RPS6KA2: variants seen among roughly 807,000 people sequenced by gnomAD.
RPS6KA2 encodes the protein ribosomal protein S6 kinase alpha-2.
RPS6KA2 carries 42 observed loss-of-function variants against 91.8 expected under a neutral mutation model. The ratio of observed to expected loss-of-function variants is 0.46; its 90% CI spans 0.36 to 0.59. RPS6KA2 has a LOEUF of 0.59. Ranked by LOEUF, RPS6KA2 falls within the 20% of genes least tolerant of loss-of-function variation. The pLI is 0.00. For synonymous variants in RPS6KA2, 414 were observed against 393.6 expected, an observed-to-expected ratio of 1.05 and a Z score of -0.61; for missense variants, 798 against 978.5, an observed-to-expected ratio of 0.82 and a Z score of 2.46.
rs60613942 is a variant in RPS6KA2, at chr6:166,568,621, G to GAAAAA, written c.100-29842_100-29838dup. On this transcript the variant is annotated intron_variant, in intron 1 of 20. Coordinates refer to ENST00000265678, the MANE Select transcript of RPS6KA2 (RefSeq NM_021135.6). ...ACAACAAGAGCAAAACTCCATCTCA[G>GAAAAA]AAAAAAAAAAAAAAAAAAAAAAAAA... 1.9e-3 allele frequency among the ~76,000 whole-genome samples: 85 copies of GAAAAA among 45,548 alleles called. 6 individuals are homozygous for GAAAAA. Among genetic ancestry groups the GAAAAA allele is most frequent in the East Asian group, 2.4e-3 (3 of 1,266 alleles). The allele number at this position is 45,548 out of a possible 152,430, so 29.9% of individuals were successfully genotyped here. A position where few individuals can be genotyped will look rare whatever the true frequency, so the allele number is the denominator to read the frequency against.
chr6:166,558,602 G>A (rs556627003), intron 1 of RPS6KA2, among the ~76,000 whole-genome samples: 21 of 152,302 alleles, frequency 1.4e-4, no homozygotes, highest in South Asian at 2.1e-4. Context: ...AGAGGCAAGC[G>A]GTGTCTCAGC....
At chr6:166,536,085 C>T (rs1783468534) in intron 2 of RPS6KA2, among the ~76,000 whole-genome samples, 1 of 152,248 alleles carries the variant, frequency 6.6e-6, no homozygotes, top group Admixed American at 6.5e-5. Flanking sequence ...AGGGAAGAAA[C>T]TGCATGTCAT....
intron 2 of RPS6KA2, among the ~76,000 whole-genome samples, chr6:166,851,578 C>A (rs1780744584): frequency 6.6e-6 from 1 of 152,224 alleles, no homozygotes; most frequent in Non-Finnish European, 1.5e-5. Context: ...GCGTGAGGAG[C>A]CAGCGGTGAG....
intron 10 of RPS6KA2, among the ~76,000 whole-genome samples, chr6:166,478,636 G>A (rs183589784): frequency 2.0e-5 from 3 of 152,266 alleles, no homozygotes; most frequent in Non-Finnish European, 2.9e-5. Flanking sequence ...GTGGCTCCTC[G>A]GCTATTGTGC....
At chr6:166,439,773 G>C (rs933571520) in intron 14 of RPS6KA2, 12 of 152,296 alleles carry the variant, frequency 7.9e-5, no homozygotes, top group African/African-American at 2.7e-4. Context: ...AGCAGGGACA[G>C]AACTTAGGAA....
rs558817754 is a variant in RPS6KA2, at chr6:166,563,592, C to T, written c.100-24808G>A. Among the ~76,000 whole-genome samples the T allele has an allele frequency of 9.9e-5, 15 of 151,722 alleles. 1 individual carries two copies. The East Asian group carries it at 2.9e-3, about 30-fold the overall frequency. ...CCCCACCCGCCCTCTCCCCTCCACA[C>T]AGGGTAGCCCCCAACTCCAGCCAGA... is the stretch of plus-strand genomic sequence containing the variant. On this transcript the variant is annotated intron_variant, in intron 1 of 20. Coordinates refer to ENST00000265678, the MANE Select transcript of RPS6KA2 (RefSeq NM_021135.6). This position sits in a 1 kb window ranked among gnomAD's most constrained non-coding sequence, Gnocchi z 4.1.
intron 10 of RPS6KA2, among the ~76,000 whole-genome samples, chr6:166,480,532 T>A (rs1240697275): frequency 2.9e-5 from 4 of 138,614 alleles, no homozygotes; most frequent in South Asian, 2.3e-4. Context: ...TTTTTTTTTT[T>A]GAGAGAGAGT....
At chr6:166,589,563 A>C (rs1162566364) in intron 1 of RPS6KA2, among the ~76,000 whole-genome samples, 1 of 152,218 alleles carries the variant, frequency 6.6e-6, no homozygotes, top group African/African-American at 2.4e-5. Context: ...TGCATAAACA[A>C]TGTCATTCTA....
At chr6:166,655,185 CT>C (rs1332647535) in intron 2 of RPS6KA2, among the ~76,000 whole-genome samples, 4 of 152,122 alleles carry the variant, frequency 2.6e-5, no homozygotes, top group Non-Finnish European at 5.9e-5. Flanking sequence ...GAAATTGCTC[CT>C]TTTTATTACT....
intron 2 of RPS6KA2, among the ~76,000 whole-genome samples, chr6:166,790,886 C>G (rs958918739): frequency 1.3e-5 from 2 of 152,134 alleles, no homozygotes; most frequent in Non-Finnish European, 2.9e-5. Context: ...AAAGGAACAA[C>G]CGGTACCAGC....
intron 10 of RPS6KA2, among the ~76,000 whole-genome samples, chr6:166,473,940 GTTT>G (rs5881697): frequency 2.7e-3 from 301 of 112,088 alleles, no homozygotes; most frequent in African/African-American, 9.8e-3. Context: ...TTGTTTAAAG[GTTT>G]TTTTTTTTTT....
At chr6:166,538,362 T>C (rs1408899456) in intron 2 of RPS6KA2, among the ~76,000 whole-genome samples, 4 of 152,198 alleles carry the variant, frequency 2.6e-5, no homozygotes, top group South Asian at 4.1e-4. Flanking sequence ...CAAAGATACA[T>C]TGGCTCAGGT....
intron 2 of RPS6KA2, among the ~76,000 whole-genome samples, chr6:166,857,572 G>T (rs763198076): frequency 1.3e-5 from 2 of 152,152 alleles, no homozygotes; most frequent in Non-Finnish European, 2.9e-5. Flanking sequence ...CTGCTGCCTG[G>T]ATCAGGCCCA....
rs1779759841 is a variant in RPS6KA2, at chr6:166,448,803, T to G, written c.1253A>C (p.Lys418Thr). 6.2e-7 allele frequency: 1 copy of G among 1,613,464 alleles called. No homozygotes were observed. Among genetic ancestry groups the G allele is most frequent in the Non-Finnish European group, 8.5e-7 (1 of 1,179,884 alleles). ...GTAGGAGCCCACCCCGATGTCCTCC[T>G]TGATCTCGTAGCCATCGGTGAAGTG... ...NIHFTDGYEIKEDIGVGSYSV... is the reference protein window; with the variant it reads ...NIHFTDGYEITEDIGVGSYSV... Residue 418 changes from lysine to threonine, a missense_variant, in exon 14 of 21, where the codon AAG (lysine) becomes ACG (threonine). Coordinates refer to ENST00000265678, the MANE Select transcript of RPS6KA2 (RefSeq NM_021135.6). The surrounding 1 kb of genome is among the most constrained non-coding windows in gnomAD (Gnocchi z 4.7).
At chr6:166,676,350 C>T (rs952677612) in intron 2 of RPS6KA2, among the ~76,000 whole-genome samples, 5 of 151,496 alleles carry the variant, frequency 3.3e-5, no homozygotes, top group African/African-American at 1.2e-4. Flanking sequence ...CTGGGAGGTG[C>T]AGCCTGCACA....
At chr6:166,730,544 A>C (rs1191526155) in intron 2 of RPS6KA2, among the ~76,000 whole-genome samples, 1 of 152,226 alleles carries the variant, frequency 6.6e-6, no homozygotes, top group African/African-American at 2.4e-5. Flanking sequence ...TGCGTGTCAT[A>C]GAACCAACTA....
At chr6:166,773,759 T>C (rs1778541231) in intron 2 of RPS6KA2, among the ~76,000 whole-genome samples, 1 of 152,188 alleles carries the variant, frequency 6.6e-6, no homozygotes, top group Non-Finnish European at 1.5e-5. Context: ...GTGACCACAT[T>C]ATCGTCAAAA....
intron 10 of RPS6KA2, among the ~76,000 whole-genome samples, chr6:166,476,085 T>C (rs1182192648): frequency 6.6e-6 from 1 of 152,024 alleles, no homozygotes; most frequent in African/African-American, 2.4e-5. Context: ...CAGGCACTCA[T>C]CTCCTATGAC....
intron 2 of RPS6KA2, among the ~76,000 whole-genome samples, chr6:166,649,365 T>G (rs142388357): frequency 4.3e-4 from 65 of 152,336 alleles, no homozygotes; most frequent in Non-Finnish European, 5.7e-4. Flanking sequence ...TGTGAAACCC[T>G]GAGCACTTTA....
Sources: gnomAD v4.1 joint callset for allele counts (sites outside exome capture counted in the v4.1 genomes callset) on GRCh38, gnomAD v4.1.1 for gene constraint, Gnocchi (gnomAD v3.1) non-coding constraint, MANE v1.5 for transcripts, NCBI Gene and HGNC (gene_info 2026-07-23, HGNC 2026-07-21) for gene names.